KCNH5: variants seen among roughly 807,000 people sequenced by gnomAD.
KCNH5 encodes the protein voltage-gated delayed rectifier potassium channel KCNH5.
KCNH5 carries 46 observed loss-of-function variants against 96.1 expected under a neutral mutation model. The observed-to-expected ratio is 0.48, with a 90% confidence interval of 0.38 to 0.61. The LOEUF is 0.61. KCNH5 is among the 20% of genes least tolerant of loss of function. KCNH5 has a pLI of 0.00. For synonymous variants in KCNH5, 439 were observed against 449.8 expected (o/e 0.98, Z 0.30); for missense variants, 907 against 1,225.8 (o/e 0.74, Z 3.88).
chr14:62,791,453 A>C (rs1159861596), intron 9 of KCNH5, among the ~76,000 whole-genome samples: 1 of 151,712 alleles, frequency 6.6e-6, no homozygotes, highest in Non-Finnish European at 1.5e-5. Flanking sequence ...TAAATGGATT[A>C]AATTATCCAA....
chr14:62,903,250 A>G (rs1374170592), intron 7 of KCNH5, among the ~76,000 whole-genome samples: 1 of 151,944 alleles, frequency 6.6e-6, no homozygotes, highest in African/African-American at 2.4e-5. Context: ...TCAAACCACA[A>G]CCTTCACCAC....
chr14:63,020,679 G>A (rs1891409089), intron 1 of KCNH5, among the ~76,000 whole-genome samples: 2 of 152,096 alleles, frequency 1.3e-5, no homozygotes, highest in Admixed American at 1.3e-4. Context: ...AGAACTTTCT[G>A]GCAAATGTAA....
intron 5 of KCNH5, among the ~76,000 whole-genome samples, chr14:62,982,384 T>C (rs980127581): frequency 6.6e-6 from 1 of 152,132 alleles, no homozygotes; most frequent in Non-Finnish European, 1.5e-5. Flanking sequence ...GTGCCATCAA[T>C]GAAGCCAAAG....
intron 9 of KCNH5, among the ~76,000 whole-genome samples, chr14:62,799,973 A>G (rs1043780416): frequency 6.7e-6 from 1 of 150,098 alleles, no homozygotes; most frequent in East Asian, 2.0e-4. Context: ...GGAGAAAGAA[A>G]AGGAGGAGGA....
intron 7 of KCNH5, among the ~76,000 whole-genome samples, chr14:62,943,388 C>A (rs17100557): frequency 6.6e-6 from 1 of 152,142 alleles, no homozygotes; most frequent in Non-Finnish European, 1.5e-5. Context: ...CATCCACGTA[C>A]TATGGTGCCT....
chr14:63,037,122 G>A (rs1416477002), intron 1 of KCNH5, among the ~76,000 whole-genome samples: 1 of 152,008 alleles, frequency 6.6e-6, no homozygotes, highest in African/African-American at 2.4e-5. Context: ...TATGTGCCAG[G>A]CACCGTTCTC....
chr14:63,013,883 C>T (rs1315615658), intron 2 of KCNH5, among the ~76,000 whole-genome samples: 2 of 151,816 alleles, frequency 1.3e-5, no homozygotes, highest in Non-Finnish European at 2.9e-5. Flanking sequence ...CTAAATAATG[C>T]TACAGCAAAC....
At position 62,706,572 on chromosome 14, in the gene KCNH5, A is replaced by C. The variant is rs933040; in HGVS notation, c.*936T>G. ...TTTGATATGATTACTTAAATGCTTTATTTTTTGTATGTTTCTTTGCTAACA... is the reference window on the plus strand; with the variant it reads ...TTTGATATGATTACTTAAATGCTTTCTTTTTTGTATGTTTCTTTGCTAACA... On this transcript the variant is annotated 3_prime_UTR_variant, in exon 11 of 11. Coordinates refer to ENST00000322893, the MANE Select transcript of KCNH5 (RefSeq NM_139318.5). The C allele has an allele frequency of 6.6e-6, 1 of 150,996 alleles. No homozygotes were observed. Among genetic ancestry groups the C allele is most frequent in the African/African-American group, 2.4e-5 (1 of 41,028 alleles). 9.4% of individuals were successfully genotyped at this position (150,996 alleles called of 1,614,324 possible).
intron 9 of KCNH5, among the ~76,000 whole-genome samples, chr14:62,785,288 A>G (rs1353564042): frequency 6.6e-6 from 1 of 152,246 alleles, no homozygotes; most frequent in Non-Finnish European, 1.5e-5. Context: ...ACAGTAAGTC[A>G]TCCCAGAAAT....
At chr14:63,012,791 G>C (rs920085289) in intron 2 of KCNH5, among the ~76,000 whole-genome samples, 2 of 151,826 alleles carry the variant, frequency 1.3e-5, no homozygotes, top group African/African-American at 4.8e-5. Flanking sequence ...TGAATGAAAA[G>C]AGTAAGAAAC....
At chr14:62,720,990 C>T (rs368105210) in intron 10 of KCNH5, among the ~76,000 whole-genome samples, 1 of 152,196 alleles carries the variant, frequency 6.6e-6, no homozygotes, top group Non-Finnish European at 1.5e-5. Context: ...GTGATGACTG[C>T]GGACTGGTCT....
intron 10 of KCNH5, among the ~76,000 whole-genome samples, chr14:62,764,849 A>G (rs558235192): frequency 4.6e-5 from 7 of 152,180 alleles, no homozygotes; most frequent in Non-Finnish European, 1.0e-4. Context: ...GTATTACAAA[A>G]CACTGTTGAA....
chr14:62,771,043 A>C (rs556846363), intron 10 of KCNH5, among the ~76,000 whole-genome samples: 4 of 152,166 alleles, frequency 2.6e-5, no homozygotes, highest in African/African-American at 9.6e-5. Context: ...GAGCTCTCTC[A>C]CTCTCTCACA....
chr14:62,985,599 C>A lies in KCNH5; in HGVS notation c.549+1473G>T, dbSNP rs151064358. 5.3e-5 allele frequency among the ~76,000 whole-genome samples: 8 copies of A among 152,242 alleles called. No homozygotes were observed. In the East Asian group the frequency reaches 1.5e-3, roughly 29 times the overall value. ...ATGAGCTTTTTGGCATCTTTCATAC[C>A]AGTAATACAAATTATGGTTATAGAA... On this transcript the variant is annotated intron_variant, in intron 5 of 10. Coordinates refer to ENST00000322893, the MANE Select transcript of KCNH5 (RefSeq NM_139318.5).
intron 7 of KCNH5, among the ~76,000 whole-genome samples, chr14:62,943,565 T>C (rs566372653): frequency 6.6e-5 from 10 of 152,300 alleles, no homozygotes; most frequent in African/African-American, 2.4e-4. Flanking sequence ...TACATCTTGA[T>C]CTAAATACAC....
intron 9 of KCNH5, among the ~76,000 whole-genome samples, chr14:62,787,498 G>C (rs1165586616): frequency 6.6e-6 from 1 of 152,200 alleles, no homozygotes; most frequent in Admixed American, 6.5e-5. Context: ...AAGTTATCCA[G>C]AAGATCTGCT....
chr14:62,919,649 T>A (rs1200515107), intron 7 of KCNH5, among the ~76,000 whole-genome samples: 2 of 152,152 alleles, frequency 1.3e-5, no homozygotes, highest in Non-Finnish European at 2.9e-5. Context: ...TGAATCAATG[T>A]CTTTAAAGCT....
chr14:62,909,095 G>C (rs550447158), intron 7 of KCNH5, among the ~76,000 whole-genome samples: 1 of 131,548 alleles, frequency 7.6e-6, no homozygotes, highest in Non-Finnish European at 1.6e-5. Context: ...GCCCAGGCTG[G>C]AGTGCAGTGG....
chr14:62,789,452 G>A (rs1886386971), intron 9 of KCNH5, among the ~76,000 whole-genome samples: 1 of 151,908 alleles, frequency 6.6e-6, no homozygotes, highest in Admixed American at 6.6e-5. Context: ...ACCCAGTAGA[G>A]GGATATTGAG....
Sources: allele counts gnomAD v4.1 joint callset (sites outside exome capture counted in the v4.1 genomes callset), GRCh38; gene constraint gnomAD v4.1.1; transcripts MANE v1.5; gene names NCBI Gene and HGNC (gene_info 2026-07-23, HGNC 2026-07-21).